Variants in JAK1 observed in about 807,000 individuals in gnomAD.
JAK1 encodes the protein Janus kinase 1.
A neutral mutation model predicts 136.6 loss-of-function variants in JAK1; 16 were observed. The ratio of observed to expected loss-of-function variants is 0.12; its 90% CI spans 0.08 to 0.18. The LOEUF is 0.18. Ranked by LOEUF, JAK1 falls within the 10% of genes least tolerant of loss-of-function variation. The pLI, the probability that JAK1 is intolerant of heterozygous loss-of-function variation, is 1.00. For synonymous variants in JAK1, 492 were observed against 519.5 expected (o/e 0.95, Z 0.72); for missense variants, 859 against 1,450.1 (o/e 0.59, Z 6.62).
intron 1 of JAK1, among the ~76,000 whole-genome samples, chr1:65,061,688 G>A (rs553440589): frequency 1.3e-5 from 2 of 152,292 alleles, no homozygotes; most frequent in African/African-American, 4.8e-5. Context: ...ACACTGAGAT[G>A]TTATAAACTG....
intron 24 of JAK1, 113 bp downstream of exon 24, chr1:64,835,283 A>G: frequency 1.8e-6 from 1 of 566,942 alleles, no homozygotes; most frequent in Non-Finnish European, 3.1e-6. Flanking sequence ...CTATTTTACA[A>G]GGACTTCACT....
chr1:64,967,433 A>C (rs1268496145), upstream of JAK1, among the ~76,000 whole-genome samples: 1 of 152,190 alleles, frequency 6.6e-6, no homozygotes, highest in Admixed American at 6.5e-5. Flanking sequence ...ATGAACTTTT[A>C]AAAATTCAAA....
intron 2 of JAK1, among the ~76,000 whole-genome samples, chr1:65,009,354 G>A (rs1646830523): frequency 6.6e-6 from 1 of 152,166 alleles, no homozygotes; most frequent in African/African-American, 2.4e-5. Flanking sequence ...TGCTAAAGTG[G>A]TTTCCTCTGG....
At chr1:64,901,205 C>G (rs545484264) in intron 1 of JAK1, among the ~76,000 whole-genome samples, 3 of 152,284 alleles carry the variant, frequency 2.0e-5, no homozygotes, top group African/African-American at 7.2e-5. Flanking sequence ...TAAACATTTC[C>G]TTCCCCAGCA....
At chr1:64,912,832 G>T (rs544205375) in intron 1 of JAK1, among the ~76,000 whole-genome samples, 1 of 152,274 alleles carries the variant, frequency 6.6e-6, no homozygotes, top group Admixed American at 6.5e-5. Context: ...TGCATCAAAG[G>T]TAATTTTTTC....
intron 2 of JAK1, among the ~76,000 whole-genome samples, chr1:65,039,441 C>A (rs115245787): frequency 6.6e-6 from 1 of 152,146 alleles, no homozygotes; most frequent in African/African-American, 2.4e-5. Context: ...TCCTCACCAC[C>A]ATCTTTCTAG....
rs917190175 is a variant in JAK1 at position 64,844,625 on chromosome 1, AC to A, written c.2251+128del. ...AGACCATCCTGGCCAACATGGTGAA[AC>A]CCCGTCTCTACTAAAATACAAAAAA... On this transcript the variant is annotated intron_variant, in intron 16 of 24. Coordinates refer to ENST00000342505, the MANE Select transcript of JAK1 (RefSeq NM_002227.4). This position sits in a 1 kb window ranked among gnomAD's most constrained non-coding sequence, Gnocchi z 5.7. The A allele has an allele frequency of 9.2e-7, 1 of 1,084,624 alleles. No homozygotes were observed. Among genetic ancestry groups the A allele is most frequent in the Non-Finnish European group, 1.3e-6 (1 of 750,402 alleles). The allele number at this position is 1,084,624 out of a possible 1,614,324, so 67.2% of individuals were successfully genotyped here.
intron 2 of JAK1, among the ~76,000 whole-genome samples, chr1:65,016,553 T>C (rs116132056): frequency 0.012 from 1,801 of 152,166 alleles, 36 homozygotes; most frequent in African/African-American, 0.042. Context: ...ACCTAGGAGG[T>C]TGACTGCACC....
In JAK1 at chr1:64,906,874, G is replaced by A. The variant is rs375253645; in HGVS notation, c.-77-20533C>T. Among the ~76,000 whole-genome samples, 18 of 152,268 alleles carry A rather than the reference G, an allele frequency of 1.2e-4. 1 individual carries two copies. Among genetic ancestry groups the A allele is most frequent in the Admixed American group, 3.9e-4 (6 of 15,292 alleles). ...CTCTTAAAGCTTTAAAGGAAAAACG[G>A]AGGAGTGTATACTACTACCTTTCAT... On this transcript the variant is annotated intron_variant, in intron 1 of 24. Coordinates refer to ENST00000342505, the MANE Select transcript of JAK1 (RefSeq NM_002227.4).
intron 12 of JAK1, among the ~76,000 whole-genome samples, chr1:64,850,200 T>C (rs569087020): frequency 6.6e-6 from 1 of 152,118 alleles, no homozygotes; most frequent in African/African-American, 2.4e-5. Context: ...GAACAGAAAG[T>C]GGGCTTTCCC....
intron 2 of JAK1, among the ~76,000 whole-genome samples, chr1:65,014,525 A>G (rs954355345): frequency 6.6e-6 from 1 of 152,134 alleles, no homozygotes; most frequent in Non-Finnish European, 1.5e-5. Context: ...ATGAACATCA[A>G]AGGAAAAAAT....
chr1:64,946,100 AT>A (rs1645981463), intron 1 of JAK1, among the ~76,000 whole-genome samples: 1 of 152,200 alleles, frequency 6.6e-6, no homozygotes, highest in Non-Finnish European at 1.5e-5. Context: ...AATAACAATA[AT>A]AAAAAAATAA....
intron 23 of JAK1, 115 bp from the exon 24 acceptor site, chr1:64,835,621 G>T (rs922950114): frequency 2.9e-6 from 2 of 681,822 alleles, no homozygotes; most frequent in African/African-American, 3.7e-5. Context: ...CAATAAAAAG[G>T]CTTTTCTCCT....
At chr1:64,986,888 CA>C (rs79769193) in intron 2 of JAK1, among the ~76,000 whole-genome samples, 59 of 148,394 alleles carry the variant, frequency 4.0e-4, no homozygotes, top group East Asian at 3.5e-3. Context: ...ACCCCCCACC[CA>C]AAAAAAAAAT....
chr1:65,024,321 T>C (rs35794392), intron 2 of JAK1, among the ~76,000 whole-genome samples: 3 of 152,148 alleles, frequency 2.0e-5, no homozygotes, highest in Non-Finnish European at 4.4e-5. Context: ...TTATATCTCA[T>C]TGTGGTTTTG....
intron 5 of JAK1, among the ~76,000 whole-genome samples, chr1:64,872,456 C>T (rs879120467): frequency 6.6e-6 from 1 of 152,210 alleles, no homozygotes; most frequent in Non-Finnish European, 1.5e-5. Flanking sequence ...TTCAAACCCC[C>T]CTGTCCATAT....
At chr1:65,051,486 C>T (rs1013631719) in intron 1 of JAK1, among the ~76,000 whole-genome samples, 5 of 152,088 alleles carry the variant, frequency 3.3e-5, no homozygotes, top group African/African-American at 1.2e-4. Context: ...CCGGGTTGAT[C>T]ACAGGTAGAC....
At chr1:64,978,524 G>A (rs190470392) in intron 2 of JAK1, among the ~76,000 whole-genome samples, 3 of 152,252 alleles carry the variant, frequency 2.0e-5, no homozygotes, top group Admixed American at 2.0e-4. Context: ...AATCAATAAA[G>A]CTTAAGACAT....
chr1:64,939,660 T>A (rs1645853260), intron 1 of JAK1, among the ~76,000 whole-genome samples: 2 of 152,204 alleles, frequency 1.3e-5, no homozygotes, highest in Non-Finnish European at 2.9e-5. Flanking sequence ...GATACATAAT[T>A]TATAAGGTCC....
Sources: gnomAD v4.1 joint callset for allele counts (sites outside exome capture counted in the v4.1 genomes callset) on GRCh38, gnomAD v4.1.1 for gene constraint, Gnocchi (gnomAD v3.1) non-coding constraint, MANE v1.5 for transcripts, NCBI Gene and HGNC (gene_info 2026-07-23, HGNC 2026-07-21) for gene names.